The following USP32 variants were observed in gnomAD, a reference collection of about 807,000 sequenced individuals.
The protein encoded by USP32 is ubiquitin specific peptidase 32.
Under a neutral mutation model 204.8 loss-of-function variants are expected in USP32, and 59 were observed. The observed-to-expected ratio is 0.29, with a 90% CI of 0.23 to 0.36. The LOEUF is 0.36. USP32 is among the 10% of genes least tolerant of loss of function. The pLI is 1.00. For synonymous variants in USP32, 517 were observed against 678.4 expected, an observed-to-expected ratio of 0.76 and a Z score of 3.70; for missense variants, 1,160 against 1,946.4, an observed-to-expected ratio of 0.60 and a Z score of 7.60.
At chr17:60,404,091 C>G (rs772520294) in intron 1 of USP32, among the ~76,000 whole-genome samples, 3 of 151,414 alleles carry the variant, frequency 2.0e-5, no homozygotes, top group Non-Finnish European at 2.9e-5. Context: ...AATATGCGCA[C>G]ACACACATAT....
intron 1 of USP32, among the ~76,000 whole-genome samples, chr17:60,361,377 A>G (rs1031542502): frequency 6.6e-5 from 10 of 152,148 alleles, no homozygotes; most frequent in Admixed American, 1.3e-4. Flanking sequence ...CTACATATAG[A>G]TTTAGTTCAT....
At chr17:60,197,482 T>C (rs1186914502) in intron 27 of USP32, among the ~76,000 whole-genome samples, 4 of 152,078 alleles carry the variant, frequency 2.6e-5, no homozygotes, top group Admixed American at 2.6e-4. Context: ...TGCATGCCTG[T>C]AATCCCAGCT....
chr17:60,227,640 C>T (rs1210471437), intron 12 of USP32, among the ~76,000 whole-genome samples: 4 of 151,226 alleles, frequency 2.6e-5, no homozygotes, highest in African/African-American at 4.9e-5. Flanking sequence ...CTTGAACTCC[C>T]GGCCTCAAGC....
At chr17:60,378,252 C>T (rs559633695) in intron 1 of USP32, among the ~76,000 whole-genome samples, 2 of 151,498 alleles carry the variant, frequency 1.3e-5, no homozygotes, top group South Asian at 2.1e-4. Context: ...TACTATGTCA[C>T]ACCCATTAGG....
At chr17:60,345,945 G>A (rs181869999) in intron 1 of USP32, among the ~76,000 whole-genome samples, 39 of 151,678 alleles carry the variant, frequency 2.6e-4, no homozygotes, top group Middle Eastern at 3.4e-3. Flanking sequence ...CCATGCCGCC[G>A]CACTCCAGCA....
chr17:60,184,615 C>T (rs2084201303), intron 30 of USP32, among the ~76,000 whole-genome samples: 1 of 152,030 alleles, frequency 6.6e-6, no homozygotes, highest in South Asian at 2.1e-4. Context: ...TCAAGACTAG[C>T]CTGGCCAACA....
chr17:60,247,207 T>G (rs1411028858), intron 11 of USP32, among the ~76,000 whole-genome samples: 1 of 151,766 alleles, frequency 6.6e-6, no homozygotes, highest in Non-Finnish European at 1.5e-5. Flanking sequence ...TGAGGCGGAG[T>G]CTCCCTGTGT....
chr17:60,314,351 C>T (rs1006589315), intron 2 of USP32, among the ~76,000 whole-genome samples: 5 of 151,954 alleles, frequency 3.3e-5, no homozygotes, highest in African/African-American at 7.3e-5. Context: ...CCATGTTGCC[C>T]AGGCTGGTCT....
chr17:60,345,686 C>G, intron 1 of USP32, 78 bp from the exon 2 acceptor site: 1 of 1,595,216 alleles, frequency 6.3e-7, no homozygotes. Flanking sequence ...AACCTGGCTC[C>G]TAAGAAAAAT....
intron 2 of USP32, among the ~76,000 whole-genome samples, chr17:60,310,045 GA>G (rs151127410): frequency 2.7e-4 from 39 of 145,048 alleles, no homozygotes; most frequent in African/African-American, 6.8e-4. Flanking sequence ...CTCCATCAAG[GA>G]AAAAAAAAAG....
intron 11 of USP32, among the ~76,000 whole-genome samples, chr17:60,246,172 T>G (rs1233715447): frequency 6.6e-6 from 1 of 151,948 alleles, no homozygotes; most frequent in African/African-American, 2.4e-5. Context: ...TCTTCAATAT[T>G]ATCCCTCCTG....
upstream of USP32, among the ~76,000 whole-genome samples, chr17:60,396,999 T>C (rs548900966): frequency 6.6e-6 from 1 of 152,304 alleles, no homozygotes; most frequent in Non-Finnish European, 1.5e-5. Flanking sequence ...CCTGAAAAAA[T>C]CAAGTAGCAT....
chr17:60,234,467 C>T (rs1292700656), intron 12 of USP32, among the ~76,000 whole-genome samples: 1 of 151,374 alleles, frequency 6.6e-6, no homozygotes. Context: ...GTGGTTCACG[C>T]CTGTAATCCC....
chr17:60,317,856 G>A (rs945525632), intron 2 of USP32, among the ~76,000 whole-genome samples: 1 of 152,120 alleles, frequency 6.6e-6, no homozygotes, highest in African/African-American at 2.4e-5. Flanking sequence ...ATGGTGGCAT[G>A]CGCCTATAGT....
At chr17:60,228,708 C>T (rs1374964398) in intron 12 of USP32, among the ~76,000 whole-genome samples, 1 of 151,764 alleles carries the variant, frequency 6.6e-6, no homozygotes, top group Non-Finnish European at 1.5e-5. Context: ...CTTTAGTCCC[C>T]AGTAACTTGA....
chr17:60,220,801 G>A (rs558734476), intron 15 of USP32, among the ~76,000 whole-genome samples: 36 of 152,072 alleles, frequency 2.4e-4, no homozygotes, highest in Non-Finnish European at 4.0e-4. Context: ...CCGCCACCAC[G>A]CCTGGCTAAT....
chr17:60,350,470 G>A (rs2088922474), intron 1 of USP32, among the ~76,000 whole-genome samples: 1 of 152,148 alleles, frequency 6.6e-6, no homozygotes, highest in African/African-American at 2.4e-5. Flanking sequence ...TATATTTTTA[G>A]TAGAGATGAG....
At chr17:60,340,235 C>A (rs2088625505) in intron 2 of USP32, among the ~76,000 whole-genome samples, 1 of 152,156 alleles carries the variant, frequency 6.6e-6, no homozygotes, top group Admixed American at 6.6e-5. Flanking sequence ...TATAGATCAT[C>A]CATTCCATGA....
chr17:60,237,304 ATTTTTTT>A (rs34988306), intron 11 of USP32, among the ~76,000 whole-genome samples: 4 of 131,026 alleles, frequency 3.1e-5, no homozygotes, highest in Admixed American at 1.5e-4. Context: ...TGCCCAGCTA[ATTTTTTT>A]TTTTTTTTTT....
Sources: allele counts gnomAD v4.1 joint callset (sites outside exome capture counted in the v4.1 genomes callset), GRCh38; gene constraint gnomAD v4.1.1; transcripts MANE v1.5; gene names NCBI Gene and HGNC (gene_info 2026-07-23, HGNC 2026-07-21).